Variants in SDK1 observed in about 807,000 individuals in gnomAD.
The protein encoded by SDK1 is protein sidekick-1.
SDK1 carries 157 observed loss-of-function variants against 245.5 expected under a neutral mutation model. That is an observed-to-expected ratio of 0.64 (90% CI 0.56 to 0.73). The LOEUF (loss-of-function observed/expected upper bound fraction) is 0.73. Among genes scored for constraint, SDK1 ranks in the 30% least tolerant of loss-of-function variants. The pLI, the probability that SDK1 is intolerant of heterozygous loss-of-function variation, is 0.00. For synonymous variants in SDK1, 1,647 were observed against 1,278.5 expected (o/e 1.29, Z -6.15); for missense variants, 3,583 against 3,002.3 (o/e 1.19, Z -4.52).
intron 4 of SDK1, among the ~76,000 whole-genome samples, chr7:3,649,345 T>C (rs1240260213): frequency 6.6e-6 from 1 of 151,976 alleles, no homozygotes; most frequent in Non-Finnish European, 1.5e-5. Context: ...GATGGATGAA[T>C]TTCAATAAAT....
Position 3,639,031 on chromosome 7 carries a change from C to A in SDK1, c.486C>A (p.Leu162=). ...ACATTATTCCATCTTTGCAGAAGCT[C>A]GATGCTGGGTTTTACCGCTGCGTGG... is the stretch of plus-strand genomic sequence containing the variant. The part of the protein sequence containing the change: ...YKYIIPSLQK[L]DAGFYRCVVR... Residue 162 remains leucine (L), a synonymous_variant, in exon 3 of 45, where the codon CTC becomes CTA. Transcript: ENST00000404826. 3.1e-6 allele frequency: 5 copies of A among 1,604,210 alleles called. No individual in the cohort carries two copies. The highest frequency in any genetic ancestry group is 3.4e-6 in the Non-Finnish European group (4 of 1,172,724).
intron 1 of SDK1, among the ~76,000 whole-genome samples, chr7:3,476,580 ATG>A (rs901041797): frequency 9.2e-5 from 14 of 152,222 alleles, no homozygotes; most frequent in Admixed American, 3.9e-4. Flanking sequence ...CAGAATACAT[ATG>A]TGTTTTCTAC....
At chr7:3,555,050 C>T (rs1003371796) in intron 1 of SDK1, among the ~76,000 whole-genome samples, 3 of 152,080 alleles carry the variant, frequency 2.0e-5, no homozygotes, top group Non-Finnish European at 4.4e-5. Context: ...ATCAAAATAC[C>T]CATGAATTCT....
At position 3,497,423 on chromosome 7, in the gene SDK1, C is replaced by T. The variant is rs1310308017; in HGVS notation, c.299-121657C>T. ...TTATCAGTCTTTTTGTAGCTGTCTGCTGCAGACATCATTGCGTCTTTATTA... is the reference window on the plus strand; with the variant it reads ...TTATCAGTCTTTTTGTAGCTGTCTGTTGCAGACATCATTGCGTCTTTATTA... On this transcript the variant is annotated intron_variant, in intron 1 of 44. Coordinates refer to ENST00000404826, the MANE Select transcript of SDK1 (RefSeq NM_152744.4). Among the ~76,000 whole-genome samples the T allele has an allele frequency of 2.6e-5, 4 of 152,160 alleles. No individual in the cohort carries two copies. In the South Asian group the frequency reaches 8.3e-4, roughly 31 times the overall value.
intron 5 of SDK1, among the ~76,000 whole-genome samples, chr7:3,896,898 A>T (rs1781623478): frequency 6.6e-6 from 1 of 152,184 alleles, no homozygotes; most frequent in South Asian, 2.1e-4. Context: ...ATTTATAAAG[A>T]GAAGAGGTAG....
rs141812131 is a variant in SDK1, at chr7:3,325,101, T to C, written c.298+23217T>C. Among the ~76,000 whole-genome samples, 496 of 152,220 alleles carry C rather than the reference T, an allele frequency of 3.3e-3. 1 individual carries two copies. Among genetic ancestry groups the C allele is most frequent in the African/African-American group, 0.012 (479 of 41,566 alleles). On this transcript the variant is annotated intron_variant, in intron 1 of 44. Coordinates refer to ENST00000404826, the MANE Select transcript of SDK1 (RefSeq NM_152744.4). ...CCTTGGGAAGAAGATCTTAAAGTTC[T>C]CTACCAAACCACTTTTTTTTTTTGG...
chr7:3,949,421 CTT>C (rs1391414583), intron 5 of SDK1, among the ~76,000 whole-genome samples: 2 of 152,244 alleles, frequency 1.3e-5, no homozygotes, highest in East Asian at 3.9e-4. Flanking sequence ...CCCGTCGTCT[CTT>C]TCCCGTTGTT....
chr7:3,631,696 T>C (rs2128648300), intron 2 of SDK1, among the ~76,000 whole-genome samples: 1 of 152,340 alleles, frequency 6.6e-6, no homozygotes, highest in South Asian at 2.1e-4. Flanking sequence ...GGAGAATCTC[T>C]GAGGCAGAAT....
chr7:3,779,710 A>T (rs1780670328), intron 4 of SDK1, among the ~76,000 whole-genome samples: 1 of 152,060 alleles, frequency 6.6e-6, no homozygotes, highest in Non-Finnish European at 1.5e-5. Context: ...AGGCGGGTGG[A>T]TCATGAGGTC....
At chr7:3,956,984 G>A (rs1237096615) in intron 7 of SDK1, among the ~76,000 whole-genome samples, 1 of 152,206 alleles carries the variant, frequency 6.6e-6, no homozygotes, top group Non-Finnish European at 1.5e-5. Flanking sequence ...GGGCCCGTAG[G>A]TGCCGACCAT....
chr7:3,362,381 T>A (rs1780977068), intron 1 of SDK1, among the ~76,000 whole-genome samples: 2 of 152,208 alleles, frequency 1.3e-5, no homozygotes, highest in African/African-American at 4.8e-5. Flanking sequence ...CTTTTTGTTA[T>A]CGTGGTGATC....
intron 1 of SDK1, among the ~76,000 whole-genome samples, chr7:3,509,797 C>T (rs1034587974): frequency 1.2e-4 from 18 of 152,084 alleles, no homozygotes; most frequent in African/African-American, 3.4e-4. Context: ...CAGAGAGAGC[C>T]CCCCAGGACA....
At position 3,849,564 on chromosome 7, in the gene SDK1, C is replaced by T. The variant is rs115648922; in HGVS notation, c.847+27981C>T. Among the ~76,000 whole-genome samples, 1,055 of 152,278 alleles carry T rather than the reference C, an allele frequency of 6.9e-3. 14 individuals are homozygous for T. Among genetic ancestry groups the T allele is most frequent in the African/African-American group, 0.024 (986 of 41,556 alleles). ...TGGTTGAGAGGGTAATTTTTGACTT[C>T]AGAGAATATTACAAGGAAATACCAT... On this transcript the variant is annotated intron_variant, in intron 5 of 44. Transcript: ENST00000404826.
chr7:3,543,571 G>A (rs914267979), intron 1 of SDK1, among the ~76,000 whole-genome samples: 27 of 152,314 alleles, frequency 1.8e-4, no homozygotes, highest in African/African-American at 6.3e-4. Flanking sequence ...CATAAAGGCA[G>A]GTCTGGAAAC....
intron 5 of SDK1, among the ~76,000 whole-genome samples, chr7:3,935,725 A>G (rs1386665250): frequency 6.6e-6 from 1 of 152,234 alleles, no homozygotes; most frequent in African/African-American, 2.4e-5. Flanking sequence ...CAGAAAACAC[A>G]ACAAAAACAG....
At chr7:4,195,295 G>T (rs1783511004) in intron 35 of SDK1, among the ~76,000 whole-genome samples, 1 of 152,204 alleles carries the variant, frequency 6.6e-6, no homozygotes, top group Non-Finnish European at 1.5e-5. Context: ...TTGTTGCAGA[G>T]TCCAGTGGGT....
chr7:3,660,752 C>A (rs201011937), intron 4 of SDK1, among the ~76,000 whole-genome samples: 1 of 152,236 alleles, frequency 6.6e-6, no homozygotes, highest in Admixed American at 6.5e-5. Flanking sequence ...TCTTTGTCAT[C>A]GCTGACGGAA....
intron 4 of SDK1, among the ~76,000 whole-genome samples, chr7:3,745,692 C>A (rs1779595674): frequency 6.6e-6 from 1 of 152,144 alleles, no homozygotes; most frequent in African/African-American, 2.4e-5. Flanking sequence ...GTTGCACCCC[C>A]TCCCACCTCA....
chr7:3,765,813 C>G (rs1780237690), intron 4 of SDK1, among the ~76,000 whole-genome samples: 1 of 151,944 alleles, frequency 6.6e-6, no homozygotes. Context: ...GCTGTTTTAT[C>G]TGGATTCTAT....
Sources: gnomAD v4.1 joint callset for allele counts (sites outside exome capture counted in the v4.1 genomes callset) on GRCh38, gnomAD v4.1.1 for gene constraint, MANE v1.5 for transcripts, NCBI Gene and HGNC (gene_info 2026-07-23, HGNC 2026-07-21) for gene names.